PLAT: variants seen among roughly 807,000 people sequenced by gnomAD.
PLAT encodes tissue-type plasminogen activator.
A neutral mutation model predicts 74.9 loss-of-function variants in PLAT; 48 were observed. The observed-to-expected ratio is 0.64, with a 90% CI of 0.51 to 0.82. The LOEUF is 0.82. Ranked by LOEUF, PLAT falls within the 40% of genes least tolerant of loss-of-function variation. The pLI, the probability that PLAT is intolerant of heterozygous loss-of-function variation, is 0.00. For missense variants in PLAT, 673 were observed against 736.2 expected, an observed-to-expected ratio of 0.91 and a Z score of 0.99; for synonymous variants, 307 against 294.4, an observed-to-expected ratio of 1.04 and a Z score of -0.44.
At position 42,187,401 on chromosome 8, in the gene PLAT, C is replaced by A; in HGVS notation, c.536G>T (p.Cys179Phe). Residue 179 changes from cysteine to phenylalanine, a missense_variant, in exon 6 of 14, where the codon TGC becomes TTC. By Grantham distance (205) the Cys-to-Phe change is radical (BLOSUM62 -2). Coordinates refer to ENST00000220809, the MANE Select transcript of PLAT (RefSeq NM_000930.5). ...CTCCTTGGGGATGTGCCCTCACCTG[C>A]AGTAGTTGTGGTTCCCCAGGCCCAG... ...IRLGLGNHNYCRNPDRDSKPW... is the reference protein window; with the variant it reads ...IRLGLGNHNYFRNPDRDSKPW... 1 of 1,579,282 alleles carries A rather than the reference C, an allele frequency of 6.3e-7. No individual in the cohort carries two copies. The highest frequency in any genetic ancestry group is 8.6e-7 in the Non-Finnish European group (1 of 1,165,112).
At chr8:42,205,240 A>G (rs1446958429) in intron 1 of PLAT, among the ~76,000 whole-genome samples, 1 of 152,148 alleles carries the variant, frequency 6.6e-6, no homozygotes, top group Admixed American at 6.5e-5. Context: ...AAAAATGAAG[A>G]TTCAGGCCAG....
In PLAT at chr8:42,180,379, C is replaced by G; in HGVS notation, c.1086-1G>C. The G allele has an allele frequency of 6.2e-7, 1 of 1,614,198 alleles. No individual in the cohort carries two copies. The highest frequency in any genetic ancestry group is 8.5e-7 in the Non-Finnish European group (1 of 1,180,002). On this transcript the variant is annotated splice_acceptor_variant, in intron 10 of 13. Coordinates refer to ENST00000220809, the MANE Select transcript of PLAT (RefSeq NM_000930.5). LOFTEE classifies it high-confidence loss of function. Reference sequence around the variant, plus strand: ...CACCGTCAGGTGGTGGGGCGGAAACCTGGTGGAGAAACAGCCTTAGAATGC... The same window carrying G: ...CACCGTCAGGTGGTGGGGCGGAAACGTGGTGGAGAAACAGCCTTAGAATGC...
chr8:42,194,235 AGAGAGAGTGTGT>A (rs1301623466), intron 1 of PLAT, among the ~76,000 whole-genome samples: 1,145 of 63,416 alleles, frequency 0.018, 13 homozygotes, highest in African/African-American at 0.048. Flanking sequence ...AGAGAGAGAG[AGAGAGAGTGTGT>A]GTGTGTGTGT....
chr8:42,205,313 G>A (rs1294471211), intron 1 of PLAT, among the ~76,000 whole-genome samples: 1 of 152,176 alleles, frequency 6.6e-6, no homozygotes, highest in African/African-American at 2.4e-5. Flanking sequence ...GATCACCTGA[G>A]GTCACGAGTT....
chr8:42,194,241 AGT>A (rs36208802), intron 1 of PLAT, among the ~76,000 whole-genome samples: 3,938 of 52,166 alleles, frequency 0.075, 74 homozygotes, highest in Middle Eastern at 0.16. Flanking sequence ...AGAGAGAGAG[AGT>A]GTGTGTGTGT....
intron 13 of PLAT, among the ~76,000 whole-genome samples, chr8:42,177,538 G>T (rs1805019815): frequency 6.6e-6 from 1 of 152,156 alleles, no homozygotes; most frequent in Non-Finnish European, 1.5e-5. Context: ...CCATGCTTTG[G>T]TTTTCTTATC....
intron 1 of PLAT, among the ~76,000 whole-genome samples, chr8:42,200,213 T>C (rs1470190577): frequency 6.6e-6 from 1 of 152,112 alleles, no homozygotes; most frequent in Non-Finnish European, 1.5e-5. Context: ...TATTATTACC[T>C]CGTTTTTACA....
chr8:42,205,318 C>T (rs1459826202), intron 1 of PLAT, among the ~76,000 whole-genome samples: 2 of 152,060 alleles, frequency 1.3e-5, no homozygotes, highest in Non-Finnish European at 1.5e-5. Flanking sequence ...CCTGAGGTCA[C>T]GAGTTCAAGA....
chr8:42,182,705 C>G lies in PLAT; in HGVS notation c.803+14G>C. ...TCTGCCAAGACCTGAACCCCCCACC[C>G]CTGTGCTACCTACCGGCAGTAATTA... On this transcript the variant is annotated intron_variant, in intron 8 of 13. Coordinates refer to ENST00000220809, the MANE Select transcript of PLAT (RefSeq NM_000930.5). 1.9e-6 allele frequency: 3 copies of G among 1,592,098 alleles called. No individual in the cohort carries two copies. In the South Asian group the frequency reaches 3.4e-5, roughly 18 times the overall value.
chr8:42,180,453 G>C (rs375277780), intron 10 of PLAT, 37 bp downstream of exon 10: 22 of 1,613,626 alleles, frequency 1.4e-5, no homozygotes, highest in Non-Finnish European at 1.9e-5. Context: ...CTAGGCGTTA[G>C]AGGGTGGAAA....
At chr8:42,204,180 A>C (rs1262950830) in intron 1 of PLAT, among the ~76,000 whole-genome samples, 2 of 151,884 alleles carry the variant, frequency 1.3e-5, no homozygotes, top group African/African-American at 4.8e-5. Context: ...TTGAGTCTAA[A>C]TCATCCTCAC....
intron 7 of PLAT, among the ~76,000 whole-genome samples, chr8:42,183,577 G>A (rs1031009076): frequency 6.6e-6 from 1 of 152,184 alleles, no homozygotes; most frequent in Non-Finnish European, 1.5e-5. Context: ...GTCTGCCAGT[G>A]TCCTGAGGAT....
intron 1 of PLAT, among the ~76,000 whole-genome samples, chr8:42,197,016 C>T (rs1345556480): frequency 6.6e-6 from 1 of 152,172 alleles, no homozygotes; most frequent in Non-Finnish European, 1.5e-5. Flanking sequence ...GTCCCCAAGA[C>T]CCCAAGGCCT....
intron 4 of PLAT, 109 bp from the exon 5 acceptor site, chr8:42,188,125 G>T: frequency 3.1e-6 from 2 of 651,456 alleles, no homozygotes; most frequent in East Asian, 5.4e-5. Flanking sequence ...AAGTCCTGCA[G>T]CGTGGAACAC....
chr8:42,206,347 C>T (rs577903794), intron 1 of PLAT, among the ~76,000 whole-genome samples: 4 of 152,322 alleles, frequency 2.6e-5, no homozygotes, highest in South Asian at 4.2e-4. Context: ...GAGTCCGACT[C>T]TGCCTGCACA....
chr8:42,191,651 G>A (rs1432882087), intron 2 of PLAT, among the ~76,000 whole-genome samples: 1 of 152,088 alleles, frequency 6.6e-6, no homozygotes, highest in African/African-American at 2.4e-5. Context: ...TTTTCTGTCT[G>A]TGCTGTCCAC....
chr8:42,182,882 C>G lies in PLAT; in HGVS notation c.640G>C (p.Asp214His). The change falls in exon 8 of 14, where the codon GAC becomes CAC. Residue 214 changes from aspartate (D) to histidine (H), a missense_variant. By Grantham distance (81) the Asp-to-His change is moderately conservative. Transcript: ENST00000220809. Reference sequence around the variant, plus strand: ...GCTGACCCATTCCCAAAGTAGCAGTCACTGTTTCCTAGAAGAAAAGAATTC... The same window carrying G: ...GCTGACCCATTCCCAAAGTAGCAGTGACTGTTTCCTAGAAGAAAAGAATTC... ...STPACSEGNS[D>H]CYFGNGSAYR... is the part of the protein sequence containing the mutation. The G allele has an allele frequency of 6.2e-7, 1 of 1,609,462 alleles. No homozygotes were observed. Among genetic ancestry groups the G allele is most frequent in the South Asian group, 1.1e-5 (1 of 90,576 alleles).
At chr8:42,189,555 T>A (rs1805608077) in intron 3 of PLAT, among the ~76,000 whole-genome samples, 1 of 151,656 alleles carries the variant, frequency 6.6e-6, no homozygotes, top group Non-Finnish European at 1.5e-5. Context: ...CTTTTCTGAG[T>A]GCCATTGAGT....
chr8:42,193,001 C>T, intron 2 of PLAT, 113 bp downstream of exon 2: 1 of 736,010 alleles, frequency 1.4e-6, no homozygotes, highest in Non-Finnish European at 2.4e-6. Context: ...CCCTGTGCCT[C>T]TCTGCTCCCT....
Sources: gnomAD v4.1 joint callset for allele counts (sites outside exome capture counted in the v4.1 genomes callset) on GRCh38, gnomAD v4.1.1 for gene constraint, MANE v1.5 for transcripts, NCBI Gene and HGNC (gene_info 2026-07-23, HGNC 2026-07-21) for gene names.